The following TLN2 variants were observed in gnomAD, a reference collection of about 807,000 sequenced individuals.
The protein encoded by TLN2 is talin 2, also known as talin-2.
A neutral mutation model predicts 294.7 loss-of-function variants in TLN2; 118 were observed. The observed-to-expected ratio is 0.40, with a 90% confidence interval of 0.34 to 0.47. The LOEUF (loss-of-function observed/expected upper bound fraction) is 0.47. Among genes scored for constraint, TLN2 ranks in the 20% least tolerant of loss-of-function variants. The pLI is 0.84. For synonymous variants in TLN2, 1,431 were observed against 1,304.5 expected, an observed-to-expected ratio of 1.10 and a Z score of -2.09; for missense variants, 3,083 against 3,282.2, an observed-to-expected ratio of 0.94 and a Z score of 1.48.
chr15:62,488,999 A>G (rs2038560013), intron 1 of TLN2, among the ~76,000 whole-genome samples: 1 of 152,242 alleles, frequency 6.6e-6, no homozygotes, highest in South Asian at 2.1e-4. Flanking sequence ...CGTCTCTACT[A>G]AAAATACAAA....
intron 3 of TLN2, among the ~76,000 whole-genome samples, chr15:62,620,289 C>A (rs2048682651): frequency 6.6e-6 from 1 of 152,040 alleles, no homozygotes; most frequent in South Asian, 2.1e-4. Context: ...GCAAAATGTT[C>A]CTGTGTCTGG....
intron 1 of TLN2, among the ~76,000 whole-genome samples, chr15:62,432,442 T>A (rs543982039): frequency 2.6e-4 from 40 of 152,300 alleles, no homozygotes; most frequent in African/African-American, 8.9e-4. Flanking sequence ...AGTGCTTTTA[T>A]AGTGGCATTA....
intron 1 of TLN2, among the ~76,000 whole-genome samples, chr15:62,493,229 A>G (rs1409829350): frequency 6.6e-6 from 1 of 152,188 alleles, no homozygotes; most frequent in Admixed American, 6.5e-5. Flanking sequence ...ATTGCCAGAA[A>G]CAGCAGAGCC....
Position 62,606,305 on chromosome 15 carries a change from G to C in TLN2, c.-161-12046G>C, listed in dbSNP as rs566248185. On this transcript the variant is annotated intron_variant, in intron 2 of 58. Transcript: ENST00000636159. The stretch of plus-strand genomic sequence containing the variant: ...CAGGGTTTCCCCTGTTGGTCAGGCT[G>C]GTCTCGAATTCCTGACCTCAGGCGA... Among the ~76,000 whole-genome samples the C allele has an allele frequency of 1.8e-3, 272 of 149,338 alleles. 2 individuals are homozygous for C. The highest frequency in any genetic ancestry group is 6.4e-3 in the African/African-American group (260 of 40,334).
At chr15:62,692,456 A>C (rs183852196) in intron 12 of TLN2, among the ~76,000 whole-genome samples, 1 of 152,092 alleles carries the variant, frequency 6.6e-6, no homozygotes, top group Non-Finnish European at 1.5e-5. Context: ...TAGTTCCCCA[A>C]ATTAGTCTCT....
intron 24 of TLN2, 71 bp downstream of exon 24, chr15:62,717,760 C>T: frequency 8.9e-7 from 1 of 1,120,322 alleles, no homozygotes; most frequent in Non-Finnish European, 1.2e-6. Flanking sequence ...ACCAAGTCCC[C>T]TGGTAGTTCA....
intron 9 of TLN2, among the ~76,000 whole-genome samples, chr15:62,665,570 C>T (rs1051857279): frequency 2.0e-5 from 3 of 152,118 alleles, no homozygotes; most frequent in South Asian, 2.1e-4. Context: ...CCTCCCTCAT[C>T]CTTGACTCTC....
intron 29 of TLN2, 109 bp downstream of exon 29, chr15:62,737,195 A>G (rs2061068940): frequency 2.6e-6 from 3 of 1,145,366 alleles, no homozygotes; most frequent in Admixed American, 2.2e-5. Context: ...GACACAGCAG[A>G]TGTTTTCAGA....
At chr15:62,777,590 T>C (rs1311010828) in intron 43 of TLN2, among the ~76,000 whole-genome samples, 1 of 151,740 alleles carries the variant, frequency 6.6e-6, no homozygotes, top group Non-Finnish European at 1.5e-5. Flanking sequence ...TTTGGAATCA[T>C]GTGGAGCTTT....
chr15:62,825,818 A>AT lies in TLN2; in HGVS notation c.7002+5209dup, dbSNP rs1567687635. ...AATATATATTATATATTATATTATA[A>AT]TATATATTATAATATATAATATATA... is the stretch of plus-strand genomic sequence containing the variant. On this transcript the variant is annotated intron_variant, in intron 54 of 58. Transcript: ENST00000636159. Among the ~76,000 whole-genome samples the AT allele has an allele frequency of 2.8e-3, 205 of 74,456 alleles. 32 individuals carry two copies. Among genetic ancestry groups the AT allele is most frequent in the African/African-American group, 0.018 (199 of 10,924 alleles). The allele number at this position is 74,456 out of a possible 152,430, so 48.8% of individuals were successfully genotyped here.
At chr15:62,500,301 GCTCTC>G (rs1185453517) in intron 1 of TLN2, among the ~76,000 whole-genome samples, 1 of 152,174 alleles carries the variant, frequency 6.6e-6, no homozygotes, top group Non-Finnish European at 1.5e-5. Context: ...TTGCACCATT[GCTCTC>G]CAGCCTGGGT....
Position 62,716,476 on chromosome 15 carries a change from C to A in TLN2, c.2763+17C>A. The A allele has an allele frequency of 1.3e-6, 2 of 1,583,682 alleles. No individual in the cohort carries two copies. The highest frequency in any genetic ancestry group is 1.2e-5 in the South Asian group (1 of 85,348). On this transcript the variant is annotated intron_variant, in intron 23 of 58. Coordinates refer to ENST00000636159, the MANE Select transcript of TLN2 (RefSeq NM_015059.3). ...CGACTGGAGGTAAGGAAAGAGGCTGCCTTTCTGGGATGCCCATCTTAAATT... is the reference window on the plus strand; with the variant it reads ...CGACTGGAGGTAAGGAAAGAGGCTGACTTTCTGGGATGCCCATCTTAAATT...
intron 1 of TLN2, among the ~76,000 whole-genome samples, chr15:62,434,616 T>C (rs1454860162): frequency 1.3e-5 from 2 of 152,248 alleles, no homozygotes; most frequent in Non-Finnish European, 2.9e-5. Context: ...GTATCATTTT[T>C]AATCATTTAA....
Position 62,776,092 on chromosome 15 carries a change from G to C in TLN2, c.5368-672G>C, listed in dbSNP as rs576246946. ...TGCTACTTGAGGTATCTTTCAGGGA[G>C]CCCAGGACTGCCATTGTTTCATTGT... On this transcript the variant is annotated intron_variant, in intron 42 of 58. Coordinates refer to ENST00000636159, the MANE Select transcript of TLN2 (RefSeq NM_015059.3). 4.9e-3 allele frequency among the ~76,000 whole-genome samples: 748 copies of C among 152,262 alleles called. 7 individuals carry two copies. Among genetic ancestry groups the C allele is most frequent in the Middle Eastern group, 0.024 (7 of 294 alleles).
At chr15:62,599,115 C>T (rs1467423234) in intron 2 of TLN2, among the ~76,000 whole-genome samples, 1 of 152,232 alleles carries the variant, frequency 6.6e-6, no homozygotes, top group Admixed American at 6.5e-5. Flanking sequence ...TGCAAATATA[C>T]TTCTTTTCCA....
At chr15:62,442,003 TAAGTG>T (rs2035570616) in intron 1 of TLN2, among the ~76,000 whole-genome samples, 1 of 152,038 alleles carries the variant, frequency 6.6e-6, no homozygotes, top group African/African-American at 2.4e-5. Flanking sequence ...AGGGTAAAGG[TAAGTG>T]AAGTGTTTCC....
At chr15:62,439,260 G>A (rs986919473) in intron 1 of TLN2, among the ~76,000 whole-genome samples, 5 of 152,170 alleles carry the variant, frequency 3.3e-5, no homozygotes, top group African/African-American at 9.7e-5. Flanking sequence ...TGTCAGCCTA[G>A]ATAAAACCTG....
At chr15:62,435,739 G>A (rs1454438135) in intron 1 of TLN2, among the ~76,000 whole-genome samples, 1 of 151,964 alleles carries the variant, frequency 6.6e-6, no homozygotes, top group East Asian at 1.9e-4. Flanking sequence ...ATGGGGTTTT[G>A]CCATGTTGGC....
chr15:62,700,774 T>C (rs969658220), intron 16 of TLN2, among the ~76,000 whole-genome samples: 3 of 152,198 alleles, frequency 2.0e-5, no homozygotes, highest in Non-Finnish European at 4.4e-5. Context: ...AGTATTATGA[T>C]GAAACATTGA....
Sources: gnomAD v4.1 joint callset for allele counts (sites outside exome capture counted in the v4.1 genomes callset) on GRCh38, gnomAD v4.1.1 for gene constraint, MANE v1.5 for transcripts, NCBI Gene and HGNC (gene_info 2026-07-23, HGNC 2026-07-21) for gene names.